The following STK3 variants were observed in gnomAD, a reference collection of about 807,000 sequenced individuals.
STK3 encodes serine/threonine-protein kinase 3.
A neutral mutation model predicts 58.0 loss-of-function variants in STK3; 41 were observed. The observed-to-expected ratio is 0.71, with a 90% CI of 0.55 to 0.92. STK3 has a LOEUF of 0.92. STK3 is among the 40% of genes least tolerant of loss of function. The pLI is 0.00. For missense variants in STK3, 479 were observed against 602.7 expected (o/e 0.79, Z 2.15); for synonymous variants, 170 against 191.0 (o/e 0.89, Z 0.91).
At chr8:98,648,852 C>T (rs1820627305) in intron 6 of STK3, among the ~76,000 whole-genome samples, 1 of 149,350 alleles carries the variant, frequency 6.7e-6, no homozygotes, top group African/African-American at 2.5e-5. Flanking sequence ...GATTGTGCCA[C>T]AGCACTCCAG....
intron 7 of STK3, among the ~76,000 whole-genome samples, chr8:98,582,640 A>G (rs1018007266): frequency 6.6e-6 from 1 of 152,154 alleles, no homozygotes; most frequent in Non-Finnish European, 1.5e-5. Flanking sequence ...CTCACTGATT[A>G]GAAATGCTAT....
intron 10 of STK3, among the ~76,000 whole-genome samples, chr8:98,514,004 C>T (rs1824730677): frequency 6.6e-6 from 1 of 152,158 alleles, no homozygotes; most frequent in Non-Finnish European, 1.5e-5. Context: ...AGACATTTTG[C>T]AGCACTTAGA....
intron 6 of STK3, among the ~76,000 whole-genome samples, chr8:98,613,556 C>A (rs1817370013): frequency 6.6e-6 from 1 of 151,508 alleles, no homozygotes; most frequent in Non-Finnish European, 1.5e-5. Context: ...AAATAAACCA[C>A]CAAAAAGTTT....
chr8:98,443,357 A>AT (rs1818769501), intron 1 of STK3, among the ~76,000 whole-genome samples: 1 of 152,190 alleles, frequency 6.6e-6, no homozygotes, highest in Admixed American at 6.5e-5. Flanking sequence ...AACAGGTATG[A>AT]TTTTGTGAAT....
At chr8:98,654,331 T>C (rs892277363) in intron 6 of STK3, among the ~76,000 whole-genome samples, 1 of 152,216 alleles carries the variant, frequency 6.6e-6, no homozygotes, top group Admixed American at 6.5e-5. Context: ...ATGGGACGTA[T>C]GTCAAAATAA....
the STK3 span, among the ~76,000 whole-genome samples, chr8:98,365,610 C>G: frequency 4.6e-3 from 699 of 152,296 alleles, 6 homozygotes; most frequent in African/African-American, 0.016. Context: ...ATTAAAATAT[C>G]TCATGTCCTC....
intron 2 of STK3, among the ~76,000 whole-genome samples, chr8:98,772,019 CCTTT>C (rs1250259919): frequency 5.3e-5 from 8 of 151,844 alleles, no homozygotes; most frequent in Admixed American, 3.9e-4. Context: ...TTATTTTTTG[CCTTT>C]CTTTGTTAGT....
rs907247323 is a variant in STK3 at position 98,454,989 on chromosome 8, T to A, written c.*853A>T. 9.9e-5 allele frequency: 15 copies of A among 152,198 alleles called. No homozygotes were observed. The highest frequency in any genetic ancestry group is 3.4e-4 in the African/African-American group (14 of 41,348). 9.4% of individuals were successfully genotyped at this position (152,198 alleles called of 1,614,324 possible). A position where few individuals can be genotyped will look rare whatever the true frequency, so the allele number is the denominator to read the frequency against. On this transcript the variant is annotated 3_prime_UTR_variant, in exon 11 of 11. Coordinates refer to ENST00000419617, the MANE Select transcript of STK3 (RefSeq NM_006281.4). ...ATTGATGAGCTTATTACAGTTTGAATCAGTTCAGCTATTAGATCTACACAT... is the reference window on the plus strand; with the variant it reads ...ATTGATGAGCTTATTACAGTTTGAAACAGTTCAGCTATTAGATCTACACAT...
At chr8:98,888,419 C>T (rs1424423158) in intron 1 of STK3, among the ~76,000 whole-genome samples, 4 of 152,176 alleles carry the variant, frequency 2.6e-5, no homozygotes, top group African/African-American at 9.7e-5. Context: ...CCTCCGGTGT[C>T]TGAGGCTTGC....
chr8:98,522,670 G>C lies in STK3; in HGVS notation c.1317+4072C>G, dbSNP rs974427560. ...CCACTTCTGGAACGTTTTTCATCTT[G>C]CAAAACGGAAACTCTGTACCCATCA... On this transcript the variant is annotated intron_variant, in intron 10 of 10. Coordinates refer to ENST00000419617, the MANE Select transcript of STK3 (RefSeq NM_006281.4). Among the ~76,000 whole-genome samples, 7 of 152,122 alleles carry C rather than the reference G, an allele frequency of 4.6e-5. 1 individual carries two copies. The highest frequency in any genetic ancestry group is 4.6e-4 in the Admixed American group (7 of 15,272).
chr8:98,443,622 C>T (rs138813190), intron 1 of STK3, among the ~76,000 whole-genome samples: 9 of 152,064 alleles, frequency 5.9e-5, no homozygotes, highest in Middle Eastern at 3.4e-3. Context: ...CCAAGATGGG[C>T]GGATCAGTTG....
chr8:98,407,749 TGTGTGTGTGCGC>T (rs749960737), intron 3 of STK3, among the ~76,000 whole-genome samples: 21 of 120,750 alleles, frequency 1.7e-4, no homozygotes, highest in Non-Finnish European at 3.6e-4. Context: ...TGTGTGTGTG[TGTGTGTGTGCGC>T]GCGCGCGCGC....
intron 6 of STK3, among the ~76,000 whole-genome samples, chr8:98,671,230 G>T (rs1045371979): frequency 6.6e-6 from 1 of 152,046 alleles, no homozygotes; most frequent in African/African-American, 2.4e-5. Context: ...CATTACCTAT[G>T]AAATTAAGGA....
chr8:98,755,972 T>C (rs979478152), intron 3 of STK3, among the ~76,000 whole-genome samples: 1 of 151,908 alleles, frequency 6.6e-6, no homozygotes, highest in African/African-American at 2.4e-5. Flanking sequence ...AAACCCTGTC[T>C]CTACTAAAAA....
chr8:98,787,253 G>A lies in STK3; in HGVS notation c.27-12434C>T, dbSNP rs115309712. ...GATAGCATAAATAAAAAAACTTCAG[G>A]AAACAATGGACACATTTACAGAAAT... On this transcript the variant is annotated intron_variant, in intron 1 of 10. Coordinates refer to ENST00000419617, the MANE Select transcript of STK3 (RefSeq NM_006281.4). Among the ~76,000 whole-genome samples, 438 of 147,712 alleles carry A rather than the reference G, an allele frequency of 3.0e-3. 1 individual carries two copies. The highest frequency in any genetic ancestry group is 0.01 in the African/African-American group (417 of 40,010).
Position 98,767,210 on chromosome 8 carries a change from A to T in STK3, c.236+33T>A. On this transcript the variant is annotated intron_variant, in intron 3 of 10. Coordinates refer to ENST00000419617, the MANE Select transcript of STK3 (RefSeq NM_006281.4). ...TTTTATTAGCAAAACTCGTCAAAAC[A>T]AGGGTAAGCAAAGAAATAAAATCTC... is the stretch of plus-strand genomic sequence containing the variant. 1.9e-6 allele frequency: 3 copies of T among 1,549,250 alleles called. No individual in the cohort carries two copies. The South Asian group carries it at 3.7e-5, about 19-fold the overall frequency.
At chr8:98,552,404 T>C (rs189065533) in intron 8 of STK3, among the ~76,000 whole-genome samples, 3 of 152,244 alleles carry the variant, frequency 2.0e-5, no homozygotes, top group Admixed American at 6.5e-5. Context: ...AAATGTGATC[T>C]GGCCTATCCC....
chr8:98,477,501 T>C, intron 10 of STK3, among the ~76,000 whole-genome samples: 1 of 151,580 alleles, frequency 6.6e-6, no homozygotes. Flanking sequence ...GAATTAAGGG[T>C]TCCTGAGCTT....
chr8:98,398,161 T>C (rs976739568), downstream of STK3, among the ~76,000 whole-genome samples: 1 of 152,152 alleles, frequency 6.6e-6, no homozygotes, highest in Non-Finnish European at 1.5e-5. Context: ...TCTGGGAAAC[T>C]GAGCAGGAAA....
Sources: allele counts gnomAD v4.1 joint callset (sites outside exome capture counted in the v4.1 genomes callset), GRCh38; gene constraint gnomAD v4.1.1; transcripts MANE v1.5; gene names NCBI Gene and HGNC (gene_info 2026-07-23, HGNC 2026-07-21).